PRR5L: variants seen among roughly 807,000 people sequenced by gnomAD.
PRR5L encodes the protein proline-rich protein 5-like.
Under a neutral mutation model 36.4 loss-of-function variants are expected in PRR5L, and 21 were observed. The ratio of observed to expected loss-of-function variants is 0.58; its 90% CI spans 0.41 to 0.83. The LOEUF is 0.83. Ranked by LOEUF, PRR5L falls within the 40% of genes least tolerant of loss-of-function variation. The probability of loss-of-function intolerance (pLI) is 0.00; values close to 1 mark genes in which losing one functional copy is unlikely to be tolerated. For missense variants in PRR5L, 381 were observed against 473.3 expected, an observed-to-expected ratio of 0.80 and a Z score of 1.81; for synonymous variants, 188 against 197.0, an observed-to-expected ratio of 0.95 and a Z score of 0.38.
At chr11:36,301,275 C>G (rs1210062089) in intron 1 of PRR5L, among the ~76,000 whole-genome samples, 1 of 152,066 alleles carries the variant, frequency 6.6e-6, no homozygotes, top group Non-Finnish European at 1.5e-5. Context: ...GGGAGGGCCA[C>G]AGAAGGGTCT....
intron 3 of PRR5L, among the ~76,000 whole-genome samples, chr11:36,416,310 A>G (rs571959424): frequency 9.2e-5 from 14 of 152,316 alleles, no homozygotes; most frequent in Admixed American, 9.2e-4. Context: ...TAGAATCTTG[A>G]CTTAAATTAT....
intron 1 of PRR5L, among the ~76,000 whole-genome samples, chr11:36,333,857 A>T (rs2133474353): frequency 6.6e-6 from 1 of 152,292 alleles, no homozygotes; most frequent in East Asian, 1.9e-4. Context: ...CTTTAAATGG[A>T]TGCAGGGGTT....
chr11:36,360,033 TCACACACACA>T (rs34561988), intron 1 of PRR5L, among the ~76,000 whole-genome samples: 11 of 146,680 alleles, frequency 7.5e-5, no homozygotes, highest in African/African-American at 2.3e-4. Context: ...TGAGACTCTG[TCACACACACA>T]CACACACACA....
At chr11:36,312,984 G>A (rs1388025064) in intron 1 of PRR5L, among the ~76,000 whole-genome samples, 3 of 152,230 alleles carry the variant, frequency 2.0e-5, no homozygotes, top group Non-Finnish European at 4.4e-5. Context: ...CTCCAGAGGA[G>A]CCGCTTTACT....
At chr11:36,391,127 T>A (rs1481754911) in intron 1 of PRR5L, among the ~76,000 whole-genome samples, 6 of 152,334 alleles carry the variant, frequency 3.9e-5, no homozygotes, top group South Asian at 2.1e-4. Flanking sequence ...GCATGGCTGT[T>A]TTCTTTGACT....
intron 3 of PRR5L, among the ~76,000 whole-genome samples, chr11:36,412,291 A>G (rs1858043454): frequency 2.0e-5 from 3 of 152,160 alleles, no homozygotes; most frequent in Admixed American, 1.3e-4. Flanking sequence ...TTAGGCTTAA[A>G]TGTGGGAACG....
Position 36,350,954 on chromosome 11 carries a change from ATATATATTTATATATTTATATATATT to A in PRR5L, c.-125-50010_-125-49985del, listed in dbSNP as rs1856928332. Among the ~76,000 whole-genome samples, 18 of 13,994 alleles carry A rather than the reference ATATATATTTATATATTTATATATATT, an allele frequency of 1.3e-3. 3 individuals carry two copies. Among genetic ancestry groups the A allele is most frequent in the South Asian group, 4.5e-3 (2 of 440 alleles). The allele number at this position is 13,994 out of a possible 152,430, so 9.2% of individuals were successfully genotyped here. A position where few individuals can be genotyped will look rare whatever the true frequency, so the allele number is the denominator to read the frequency against. On this transcript the variant is annotated intron_variant, in intron 1 of 8. Coordinates refer to ENST00000530639, the MANE Select transcript of PRR5L (RefSeq NM_001160167.2). The stretch of plus-strand genomic sequence containing the variant: ...TTTATATATTTATATATATATATTT[ATATATATTTATATATTTATATATATT>A]TATATATTTATATATTTATATATAT...
rs1460221390 is a variant in PRR5L, at chr11:36,377,182, T to TC, written c.-125-23814dup. On this transcript the variant is annotated intron_variant, in intron 1 of 8. Transcript: ENST00000530639. The surrounding 1 kb of genome is among the most constrained non-coding windows in gnomAD (Gnocchi z 5.1). ...GCCTTTTCCCGGCGGTCCCCCTTTT[T>TC]CTGGAGGGAGGCGTGGGAGAGAAGG... Among the ~76,000 whole-genome samples the TC allele has an allele frequency of 2.0e-5, 3 of 152,166 alleles. No homozygotes were observed. The highest frequency in any genetic ancestry group is 7.2e-5 in the African/African-American group (3 of 41,452).
At chr11:36,304,415 T>C (rs1422128731) in intron 1 of PRR5L, among the ~76,000 whole-genome samples, 1 of 152,212 alleles carries the variant, frequency 6.6e-6, no homozygotes, top group Non-Finnish European at 1.5e-5. Flanking sequence ...TAGGGGATAT[T>C]GTGAACAGTT....
intron 1 of PRR5L, among the ~76,000 whole-genome samples, chr11:36,390,264 T>C (rs1347063842): frequency 6.6e-6 from 1 of 151,836 alleles, no homozygotes; most frequent in Non-Finnish European, 1.5e-5. Flanking sequence ...GAGAGTTGGG[T>C]GGGAAATATT....
chr11:36,412,835 T>C (rs370840941), intron 3 of PRR5L, among the ~76,000 whole-genome samples: 2 of 152,102 alleles, frequency 1.3e-5, no homozygotes, highest in South Asian at 4.1e-4. Context: ...ATCATTGAGC[T>C]CTGTTTCATC....
chr11:36,348,948 G>A (rs186077731), intron 1 of PRR5L, among the ~76,000 whole-genome samples: 1 of 152,136 alleles, frequency 6.6e-6, no homozygotes, highest in East Asian at 1.9e-4. Context: ...GTATGTTCAG[G>A]GTACATTTGA....
chr11:36,334,106 T>A (rs61878709), intron 1 of PRR5L, among the ~76,000 whole-genome samples: 1,694 of 152,234 alleles, frequency 0.011, 18 homozygotes, highest in Middle Eastern at 0.024. Context: ...TAGAAGCCCC[T>A]CCCACTTGGC....
intron 4 of PRR5L, among the ~76,000 whole-genome samples, chr11:36,420,833 A>AC (rs1858247486): frequency 3.6e-5 from 5 of 137,386 alleles, no homozygotes; most frequent in Admixed American, 7.3e-5. Context: ...TCAGTTGTTT[A>AC]AACACACACA....
Position 36,358,031 on chromosome 11 carries a change from G to C in PRR5L, c.-125-42966G>C, listed in dbSNP as rs546025526. 9.2e-5 allele frequency among the ~76,000 whole-genome samples: 14 copies of C among 152,338 alleles called. No individual in the cohort carries two copies. In the South Asian group the frequency reaches 2.7e-3, roughly 29 times the overall value. On this transcript the variant is annotated intron_variant, in intron 1 of 8. Coordinates refer to ENST00000530639, the MANE Select transcript of PRR5L (RefSeq NM_001160167.2). ...TTCATGGGAGGAAGTTGAAACCTCA[G>C]CATTAACAGGTGTTTAGAAGAAGTT...
intron 1 of PRR5L, among the ~76,000 whole-genome samples, chr11:36,385,676 C>T (rs1392908624): frequency 6.6e-6 from 1 of 152,218 alleles, no homozygotes; most frequent in Non-Finnish European, 1.5e-5. Flanking sequence ...TCACAGTTGA[C>T]CCTTAACATT....
intron 5 of PRR5L, among the ~76,000 whole-genome samples, chr11:36,435,977 A>G (rs181433312): frequency 6.6e-6 from 1 of 152,352 alleles, no homozygotes; most frequent in African/African-American, 2.4e-5. Context: ...GACAGAGAAG[A>G]AGTGAATAAG....
chr11:36,383,242 A>G (rs536996584), intron 1 of PRR5L, among the ~76,000 whole-genome samples: 1 of 152,276 alleles, frequency 6.6e-6, no homozygotes, highest in African/African-American at 2.4e-5. Context: ...CTGGAGTTTA[A>G]TTTTTTTGGT....
At position 36,462,744 on chromosome 11, in the gene PRR5L, CCCCTGGGCCTTT is replaced by C. The variant is rs1859218698; in HGVS notation, c.*11_*22del. 6.6e-7 allele frequency: 1 copy of C among 1,518,930 alleles called. No homozygotes were observed. The highest frequency in any genetic ancestry group is 8.8e-7 in the Non-Finnish European group (1 of 1,134,194). The allele number at this position is 1,518,930 out of a possible 1,614,324, so 94.1% of individuals were successfully genotyped here. A position where few individuals can be genotyped will look rare whatever the true frequency, so the allele number is the denominator to read the frequency against. On this transcript the variant is annotated 3_prime_UTR_variant, in exon 9 of 9. Coordinates refer to ENST00000530639, the MANE Select transcript of PRR5L (RefSeq NM_001160167.2). Reference sequence around the variant, plus strand: ...TGTGCTTCCCTCAGCTGAGTCGCCACCCCTGGGCCTTTCCATCTCCTGTTTTGCAACCAGGAT... The same window carrying C: ...TGTGCTTCCCTCAGCTGAGTCGCCACCCATCTCCTGTTTTGCAACCAGGAT...
Sources: gnomAD v4.1 joint callset for allele counts (sites outside exome capture counted in the v4.1 genomes callset) on GRCh38, gnomAD v4.1.1 for gene constraint, Gnocchi (gnomAD v3.1) non-coding constraint, MANE v1.5 for transcripts, NCBI Gene and HGNC (gene_info 2026-07-23, HGNC 2026-07-21) for gene names.